The following SLC26A9 variants were observed in gnomAD, a reference collection of about 807,000 sequenced individuals.
SLC26A9 encodes the protein solute carrier family 26 member 9, also known as anion transporter/exchanger protein 9.
SLC26A9 carries 46 observed loss-of-function variants against 87.1 expected under a neutral mutation model. That is an observed-to-expected ratio of 0.53 (90% CI 0.42 to 0.67). The LOEUF (loss-of-function observed/expected upper bound fraction) is 0.67. Among genes scored for constraint, SLC26A9 ranks in the 30% least tolerant of loss-of-function variants. The pLI, the probability that SLC26A9 is intolerant of heterozygous loss-of-function variation, is 0.00. For synonymous variants in SLC26A9, 437 were observed against 409.1 expected (o/e 1.07, Z -0.82); for missense variants, 927 against 1,018.3 (o/e 0.91, Z 1.22).
chr1:205,923,945 C>T (rs544528158), intron 13 of SLC26A9, among the ~76,000 whole-genome samples: 1 of 152,296 alleles, frequency 6.6e-6, no homozygotes, highest in African/African-American at 2.4e-5. Flanking sequence ...CCCCAACATT[C>T]AGCGTACTCC....
intron 1 of SLC26A9, among the ~76,000 whole-genome samples, chr1:205,937,159 C>G (rs1659538999): frequency 6.6e-6 from 1 of 152,124 alleles, no homozygotes; most frequent in Non-Finnish European, 1.5e-5. Context: ...CTGGTGCATT[C>G]CATTCATTTG....
chr1:205,931,482 T>TG (rs1214985055), intron 5 of SLC26A9, among the ~76,000 whole-genome samples: 40 of 123,534 alleles, frequency 3.2e-4, no homozygotes, highest in African/African-American at 1.1e-3. Context: ...TTTTTTTTTT[T>TG]TTGAGACGGA....
chr1:205,942,525 G>A (rs1340025435), intron 1 of SLC26A9, among the ~76,000 whole-genome samples: 1 of 152,226 alleles, frequency 6.6e-6, no homozygotes, highest in Admixed American at 6.5e-5. Context: ...AATAATAGAA[G>A]CTTTGTTAGG....
At chr1:205,936,026 C>T (rs1286654596) in intron 1 of SLC26A9, among the ~76,000 whole-genome samples, 188 bp from the exon 2 acceptor site, 1 of 152,216 alleles carries the variant, frequency 6.6e-6, no homozygotes, top group African/African-American at 2.4e-5. Context: ...GGCCTTCCTT[C>T]CCAGGCACTG....
intron 18 of SLC26A9, among the ~76,000 whole-genome samples, chr1:205,919,744 C>G (rs1173863300): frequency 6.6e-6 from 1 of 152,066 alleles, no homozygotes; most frequent in Admixed American, 6.6e-5. Flanking sequence ...TTATATGTTC[C>G]CTGGGGAATT....
Position 205,923,383 on chromosome 1 carries a change from A to C in SLC26A9, c.1611T>G (p.Pro537=), listed in dbSNP as rs1338634979. The C allele has an allele frequency of 6.2e-7, 1 of 1,614,170 alleles. No individual in the cohort carries two copies. Among genetic ancestry groups the C allele is most frequent in the Non-Finnish European group, 8.5e-7 (1 of 1,180,020 alleles). ...QGIKIITYCS[P]LYFANSEIFR... ...AGATCTCTGAGTTGGCAAAGTAGAGAGGGGAGCAGTACGTGATGATTTTAA... is the reference window on the plus strand; with the variant it reads ...AGATCTCTGAGTTGGCAAAGTAGAGCGGGGAGCAGTACGTGATGATTTTAA... Residue 537 remains proline, a synonymous_variant, in exon 15 of 21, where the codon CCT becomes CCG. Transcript: ENST00000367135.
intron 18 of SLC26A9, 44 bp downstream of exon 18, chr1:205,920,132 C>T: frequency 6.2e-7 from 1 of 1,611,782 alleles, no homozygotes; most frequent in Non-Finnish European, 8.5e-7. Flanking sequence ...CTACCCCACA[C>T]TCCTTGCCAG....
intron 1 of SLC26A9, among the ~76,000 whole-genome samples, chr1:205,941,160 T>A (rs962287406): frequency 1.3e-4 from 20 of 152,020 alleles, no homozygotes; most frequent in Admixed American, 1.2e-3. Context: ...TTTGTTTGTT[T>A]GTTTTGTTTT....
chr1:205,919,486 C>G (rs1658732113), intron 18 of SLC26A9, among the ~76,000 whole-genome samples: 1 of 152,192 alleles, frequency 6.6e-6, no homozygotes, highest in South Asian at 2.1e-4. Context: ...TGCAGATTCT[C>G]TCCCCGAACG....
intron 1 of SLC26A9, among the ~76,000 whole-genome samples, chr1:205,941,419 T>C (rs1248862088): frequency 6.6e-6 from 1 of 152,092 alleles, no homozygotes; most frequent in African/African-American, 2.4e-5. Context: ...TGATCTGCCC[T>C]CCTTGGCCTC....
chr1:205,941,303 G>T (rs1659733978), intron 1 of SLC26A9, among the ~76,000 whole-genome samples: 1 of 152,064 alleles, frequency 6.6e-6, no homozygotes, highest in African/African-American at 2.4e-5. Flanking sequence ...CTAGGAGCTG[G>T]GATTACTGGT....
chr1:205,924,116 T>G (rs1658964937), intron 13 of SLC26A9, among the ~76,000 whole-genome samples: 1 of 152,168 alleles, frequency 6.6e-6, no homozygotes, highest in African/African-American at 2.4e-5. Context: ...CTTGCCCTCC[T>G]TTCTCTGCCA....
At chr1:205,916,116 T>TTTA (rs1658581312) in intron 20 of SLC26A9, among the ~76,000 whole-genome samples, 1 of 152,242 alleles carries the variant, frequency 6.6e-6, no homozygotes, top group African/African-American at 2.4e-5. Flanking sequence ...TGTTTGTTTT[T>TTTA]GAGACAGTCT....
chr1:205,941,125 G>A (rs1659725649), intron 1 of SLC26A9, among the ~76,000 whole-genome samples: 1 of 152,152 alleles, frequency 6.6e-6, no homozygotes, highest in Non-Finnish European at 1.5e-5. Context: ...GAAGGATGTA[G>A]AGGCCTCTGC....
At chr1:205,940,926 G>A (rs1383910038) in intron 1 of SLC26A9, among the ~76,000 whole-genome samples, 4 of 152,234 alleles carry the variant, frequency 2.6e-5, no homozygotes, top group Admixed American at 1.3e-4. Context: ...GCCGGTTGCT[G>A]TGTTCTGGGA....
chr1:205,931,750 A>G, intron 5 of SLC26A9, 110 bp downstream of exon 5: 1 of 1,398,694 alleles, frequency 7.1e-7, no homozygotes, highest in South Asian at 1.5e-5. Context: ...TACAGGCATG[A>G]GCCTCCACAC....
rs1334044689 is a variant in SLC26A9, at chr1:205,930,153, C to T, written c.553-97G>A. The stretch of plus-strand genomic sequence containing the variant: ...ACACACGCAGGTCTGGAGCTCCGTG[C>T]AGTCCTAGCGTAGCAGTAGCTTGAG... On this transcript the variant is annotated intron_variant, in intron 5 of 20. Coordinates refer to ENST00000367135, the MANE Select transcript of SLC26A9 (RefSeq NM_052934.4). 6 of 1,347,372 alleles carry T rather than the reference C, an allele frequency of 4.5e-6. No individual in the cohort carries two copies. In the South Asian group the frequency reaches 6.0e-5, roughly 13 times the overall value. The allele number at this position is 1,347,372 out of a possible 1,614,324, so 83.5% of individuals were successfully genotyped here.
In SLC26A9 at chr1:205,926,729, G is replaced by A; in HGVS notation, c.1294-99C>T. On this transcript the variant is annotated intron_variant, in intron 11 of 20. Transcript: ENST00000367135. ...CAAGGCCTGGCAGGACAGAGACGGA[G>A]TTCTGGAACACCTCCCCTGGCTGAT... The A allele has an allele frequency of 4.3e-6, 4 of 936,158 alleles. No homozygotes were observed. In the South Asian group the frequency reaches 5.5e-5, roughly 13 times the overall value. The allele number at this position is 936,158 out of a possible 1,614,324, so 58.0% of individuals were successfully genotyped here.
chr1:205,932,573 C>G, intron 4 of SLC26A9, 129 bp downstream of exon 4: 1 of 696,270 alleles, frequency 1.4e-6, no homozygotes, highest in Non-Finnish European at 2.3e-6. Context: ...TCACAGTGAC[C>G]ATTCCCCTAG....
Sources: gnomAD v4.1 joint callset for allele counts (sites outside exome capture counted in the v4.1 genomes callset) on GRCh38, gnomAD v4.1.1 for gene constraint, MANE v1.5 for transcripts, NCBI Gene and HGNC (gene_info 2026-07-23, HGNC 2026-07-21) for gene names.